The following AGBL4 variants were observed in gnomAD, a reference collection of about 807,000 sequenced individuals.
AGBL4 encodes the protein AGBL carboxypeptidase 4.
A neutral mutation model predicts 66.4 loss-of-function variants in AGBL4; 58 were observed. The ratio of observed to expected loss-of-function variants is 0.87; its 90% confidence interval spans 0.71 to 1.09. The LOEUF is 1.09. Among genes scored for constraint, AGBL4 ranks in the 50% least tolerant of loss-of-function variants. AGBL4 has a pLI of 0.00. For missense variants in AGBL4, 579 were observed against 631.0 expected, an observed-to-expected ratio of 0.92 and a Z score of 0.88; for synonymous variants, 234 against 222.9, an observed-to-expected ratio of 1.05 and a Z score of -0.44.
intron 1 of AGBL4, among the ~76,000 whole-genome samples, chr1:50,004,204 G>A (rs1230706265): frequency 2.6e-5 from 4 of 152,204 alleles, no homozygotes; most frequent in African/African-American, 9.7e-5. Flanking sequence ...AAGCAACACT[G>A]AGCAGAAATC....
chr1:49,731,733 T>C (rs1035249731), intron 2 of AGBL4, among the ~76,000 whole-genome samples: 1 of 152,120 alleles, frequency 6.6e-6, no homozygotes, highest in Non-Finnish European at 1.5e-5. Flanking sequence ...AATAGCAACC[T>C]TCAAAATTAA....
At chr1:49,214,284 C>T (rs1040576663) in intron 4 of AGBL4, among the ~76,000 whole-genome samples, 2 of 152,126 alleles carry the variant, frequency 1.3e-5, no homozygotes, top group East Asian at 1.9e-4. Flanking sequence ...CAGTAACCTA[C>T]TTAACATCCA....
At chr1:49,266,861 G>C (rs1017942182) in intron 3 of AGBL4, among the ~76,000 whole-genome samples, 1 of 152,164 alleles carries the variant, frequency 6.6e-6, no homozygotes, top group Non-Finnish European at 1.5e-5. Context: ...GCAATATGAA[G>C]GGCCTATTGA....
At chr1:49,854,751 A>G (rs987070901) in intron 1 of AGBL4, among the ~76,000 whole-genome samples, 1 of 152,042 alleles carries the variant, frequency 6.6e-6, no homozygotes, top group Non-Finnish European at 1.5e-5. Flanking sequence ...AGTGCCCTAA[A>G]TCCCCTAAAA....
chr1:48,729,724 G>C (rs1463623261), intron 6 of AGBL4, among the ~76,000 whole-genome samples: 2 of 151,984 alleles, frequency 1.3e-5, no homozygotes, highest in East Asian at 3.9e-4. Flanking sequence ...CATGCTGCAG[G>C]TGCACCTGCT....
intron 1 of AGBL4, among the ~76,000 whole-genome samples, chr1:49,947,462 T>C (rs1214123766): frequency 1.3e-5 from 2 of 152,072 alleles, no homozygotes; most frequent in East Asian, 3.9e-4. Flanking sequence ...TCTTAATAGA[T>C]GCAGCAAAAG....
At chr1:49,584,617 T>C (rs1571107555) in intron 3 of AGBL4, among the ~76,000 whole-genome samples, 1 of 152,144 alleles carries the variant, frequency 6.6e-6, no homozygotes, top group South Asian at 2.1e-4. Context: ...CCAGGATTTG[T>C]GGGTTTGTGG....
intron 4 of AGBL4, among the ~76,000 whole-genome samples, chr1:49,105,998 C>A (rs189412675): frequency 6.6e-6 from 1 of 152,148 alleles, no homozygotes; most frequent in Non-Finnish European, 1.5e-5. Context: ...GAGCTAATAT[C>A]ATTTCTTAAG....
At chr1:48,703,587 A>G (rs2148509108) in intron 6 of AGBL4, among the ~76,000 whole-genome samples, 1 of 152,322 alleles carries the variant, frequency 6.6e-6, no homozygotes, top group East Asian at 1.9e-4. Flanking sequence ...TTGAGTCAAA[A>G]GCCGAAAAGA....
intron 1 of AGBL4, chr1:50,016,984 C>T (rs1662033353): frequency 6.6e-6 from 1 of 152,110 alleles, no homozygotes; most frequent in Non-Finnish European, 1.5e-5. Context: ...GACACATGCA[C>T]ACATACGTTC....
intron 4 of AGBL4, among the ~76,000 whole-genome samples, chr1:49,178,795 T>G (rs1342836871): frequency 1.3e-5 from 2 of 152,204 alleles, no homozygotes; most frequent in East Asian, 1.9e-4. Context: ...ACAGAGTGAA[T>G]GCTCTGTGAA....
At chr1:49,873,392 A>G (rs1646886725) in intron 1 of AGBL4, among the ~76,000 whole-genome samples, 1 of 152,082 alleles carries the variant, frequency 6.6e-6, no homozygotes, top group Admixed American at 6.6e-5. Context: ...TAAAAAGAAA[A>G]GAGGAGAGAA....
In AGBL4 at chr1:48,686,775, C is replaced by G. The variant is rs79732492; in HGVS notation, c.635-23534G>C. On this transcript the variant is annotated intron_variant, in intron 6 of 13. Transcript: ENST00000371839. ...ATCTTGGTGAAGTCACGTCCTCGCTCTAAGCCTCAGTGTCCTCATCTAGCC... is the reference window on the plus strand; with the variant it reads ...ATCTTGGTGAAGTCACGTCCTCGCTGTAAGCCTCAGTGTCCTCATCTAGCC... Among the ~76,000 whole-genome samples the G allele has an allele frequency of 4.9e-3, 742 of 152,310 alleles. 7 individuals are homozygous for G. The highest frequency in any genetic ancestry group is 0.017 in the African/African-American group (701 of 41,558).
intron 3 of AGBL4, among the ~76,000 whole-genome samples, chr1:49,381,347 C>T (rs1644604370): frequency 6.6e-6 from 1 of 152,170 alleles, no homozygotes; most frequent in South Asian, 2.1e-4. Flanking sequence ...CAGGAAACAA[C>T]AGGTGCTGGA....
chr1:48,609,732 A>G (rs1645207740), intron 9 of AGBL4, among the ~76,000 whole-genome samples: 1 of 152,086 alleles, frequency 6.6e-6, no homozygotes, highest in East Asian at 1.9e-4. Flanking sequence ...TGCCATTTTC[A>G]TTACTTCATG....
intron 6 of AGBL4, among the ~76,000 whole-genome samples, chr1:48,766,491 C>G (rs1352695002): frequency 6.6e-6 from 1 of 152,226 alleles, no homozygotes; most frequent in South Asian, 2.1e-4. Context: ...GTCCTCTATC[C>G]TCAGTAAGTC....
intron 6 of AGBL4, among the ~76,000 whole-genome samples, chr1:48,710,339 A>G (rs917840095): frequency 1.3e-5 from 2 of 152,166 alleles, no homozygotes; most frequent in African/African-American, 4.8e-5. Context: ...GGATGTATTC[A>G]CTGGAGGAAA....
At chr1:49,480,239 T>G (rs1646928814) in intron 3 of AGBL4, among the ~76,000 whole-genome samples, 1 of 152,130 alleles carries the variant, frequency 6.6e-6, no homozygotes, top group Non-Finnish European at 1.5e-5. Flanking sequence ...TTAAACTAAT[T>G]TACACTCCCA....
At chr1:48,772,656 G>A (rs1644894922) in intron 6 of AGBL4, among the ~76,000 whole-genome samples, 1 of 152,124 alleles carries the variant, frequency 6.6e-6, no homozygotes, top group African/African-American at 2.4e-5. Context: ...GCTACAGAAG[G>A]TTCTAATGAG....
Sources: gnomAD v4.1 joint callset for allele counts (sites outside exome capture counted in the v4.1 genomes callset) on GRCh38, gnomAD v4.1.1 for gene constraint, MANE v1.5 for transcripts, NCBI Gene and HGNC (gene_info 2026-07-23, HGNC 2026-07-21) for gene names.